The following STYXL1 variants were observed in gnomAD, a reference collection of about 807,000 sequenced individuals.
STYXL1 encodes the protein serine/threonine/tyrosine interacting like 1, also known as serine/threonine/tyrosine-interacting-like protein 1.
Under a neutral mutation model 36.4 loss-of-function variants are expected in STYXL1, and 32 were observed. That is an observed-to-expected ratio of 0.88 (90% CI 0.66 to 1.18). The LOEUF (loss-of-function observed/expected upper bound fraction) is 1.18, where lower values mean the gene tolerates loss of function less well. STYXL1 is among the 50% of genes most tolerant of loss of function. The pLI is 0.00. For missense variants in STYXL1, 354 were observed against 394.1 expected, an observed-to-expected ratio of 0.90 and a Z score of 0.86; for synonymous variants, 133 against 144.1, an observed-to-expected ratio of 0.92 and a Z score of 0.55.
At chr7:76,030,587 A>G (rs906548020) in intron 1 of STYXL1, 60 bp from the exon 2 acceptor site, 2 of 986,154 alleles carry the variant, frequency 2.0e-6, no homozygotes, top group African/African-American at 3.2e-5. Context: ...AATGACCACA[A>G]AGTAATATAA....
At position 76,000,954 on chromosome 7, in the gene STYXL1, C is replaced by G. The variant is rs782607080; in HGVS notation, c.746G>C (p.Gly249Ala). ...GSVILIFSTQ[G>A]ISRSCAAIIA... ...GATGGCGGCACAACTGCGGCTGATA[C>G]CTTGGGTGGAAAAGATCAGAATGAC... is the stretch of plus-strand genomic sequence containing the variant. Residue 249 changes from glycine to alanine, a missense_variant, in exon 8 of 9, where the codon GGT (glycine) becomes GCT (alanine). Physicochemically the swap from Gly to Ala is moderately conservative, Grantham distance 60. Transcript: ENST00000359697. The G allele has an allele frequency of 1.9e-6, 3 of 1,614,146 alleles. No homozygotes were observed. Among genetic ancestry groups the G allele is most frequent in the South Asian group, 1.1e-5 (1 of 91,084 alleles).
chr7:76,032,892 TGGA>T (rs2116355615), intron 1 of STYXL1, among the ~76,000 whole-genome samples: 1 of 152,120 alleles, frequency 6.6e-6, no homozygotes, highest in African/African-American at 2.4e-5. Flanking sequence ...ACATTCTGCT[TGGA>T]GCAGGGGCAA....
chr7:76,013,656 T>C (rs1166849338), intron 5 of STYXL1, 86 bp downstream of exon 5: 1 of 1,577,782 alleles, frequency 6.3e-7, no homozygotes, highest in Non-Finnish European at 8.7e-7. Flanking sequence ...CCCATCCTCC[T>C]GTTTCTCCCA....
intron 8 of STYXL1, among the ~76,000 whole-genome samples, chr7:75,998,324 GTC>G (rs1554564900): frequency 6.8e-6 from 1 of 147,870 alleles, no homozygotes; most frequent in Non-Finnish European, 1.5e-5. Context: ...TTGAGACTGA[GTC>G]TCACTCTGTT....
intron 4 of STYXL1, among the ~76,000 whole-genome samples, chr7:76,019,197 C>A (rs531542217): frequency 6.6e-6 from 1 of 152,040 alleles, no homozygotes; most frequent in African/African-American, 2.4e-5. Flanking sequence ...CAGGTTCTGG[C>A]CCAGAAAGAG....
At chr7:75,997,396 T>G (rs1269395897) in intron 8 of STYXL1, among the ~76,000 whole-genome samples, 2 of 152,116 alleles carry the variant, frequency 1.3e-5, no homozygotes, top group Non-Finnish European at 2.9e-5. Context: ...ATTGCACCAC[T>G]GCACTCCAGC....
intron 4 of STYXL1, among the ~76,000 whole-genome samples, chr7:76,021,187 C>T (rs1215126185): frequency 6.6e-6 from 1 of 151,932 alleles, no homozygotes; most frequent in Non-Finnish European, 1.5e-5. Context: ...ACGCCATTCT[C>T]CTGCCTCAGC....
intron 1 of STYXL1, among the ~76,000 whole-genome samples, chr7:76,034,147 T>C (rs530084884): frequency 2.0e-5 from 3 of 152,316 alleles, no homozygotes; most frequent in Non-Finnish European, 4.4e-5. Context: ...CTGTTGCCCA[T>C]GTTGGAGTGC....
chr7:76,031,956 C>T (rs1795379054), intron 1 of STYXL1, among the ~76,000 whole-genome samples: 2 of 152,116 alleles, frequency 1.3e-5, no homozygotes. Flanking sequence ...GAAAGAATTG[C>T]AAGATGCAAG....
chr7:76,027,730 G>A (rs1174657316), intron 3 of STYXL1, among the ~76,000 whole-genome samples: 3 of 152,066 alleles, frequency 2.0e-5, no homozygotes, highest in African/African-American at 4.8e-5. Context: ...GCTCCACAAC[G>A]GCAGGGACAA....
chr7:76,002,546 G>A (rs1478152514), intron 7 of STYXL1, among the ~76,000 whole-genome samples: 1 of 152,166 alleles, frequency 6.6e-6, no homozygotes, highest in Non-Finnish European at 1.5e-5. Context: ...GGGCCACAAG[G>A]CTCTGCCATC....
intron 3 of STYXL1, among the ~76,000 whole-genome samples, chr7:76,023,753 T>C (rs1794349869): frequency 1.3e-5 from 2 of 151,896 alleles, no homozygotes; most frequent in African/African-American, 4.8e-5. Context: ...CGGAGGCTCA[T>C]GTCTGTAATC....
intron 6 of STYXL1, among the ~76,000 whole-genome samples, chr7:76,004,755 A>G (rs1791443185): frequency 6.6e-6 from 1 of 151,866 alleles, no homozygotes; most frequent in Admixed American, 6.6e-5. Context: ...TAATCCCAGC[A>G]CTTTGGGAGG....
At chr7:76,039,939 G>C (rs544074304) in intron 1 of STYXL1, among the ~76,000 whole-genome samples, 1 of 152,136 alleles carries the variant, frequency 6.6e-6, no homozygotes, top group Non-Finnish European at 1.5e-5. Context: ...TAGCCACGGC[G>C]CCTGGCCTCC....
intron 4 of STYXL1, among the ~76,000 whole-genome samples, chr7:76,018,305 G>A (rs908670032): frequency 6.6e-6 from 1 of 152,078 alleles, no homozygotes; most frequent in Non-Finnish European, 1.5e-5. Context: ...CATATAAATG[G>A]AATAATATGT....
At chr7:75,998,301 A>ATTT (rs58275187) in intron 8 of STYXL1, among the ~76,000 whole-genome samples, 7 of 146,728 alleles carry the variant, frequency 4.8e-5, no homozygotes, top group Admixed American at 6.8e-5. Flanking sequence ...TGGTCAAGCA[A>ATTT]TTTTTTTTTT....
intron 4 of STYXL1, among the ~76,000 whole-genome samples, chr7:76,019,010 A>G (rs1397352902): frequency 1.3e-5 from 2 of 152,202 alleles, no homozygotes; most frequent in Non-Finnish European, 2.9e-5. Context: ...TTTGATTATT[A>G]CCATCCCAGT....
chr7:76,014,418 C>T (rs1300816398), intron 4 of STYXL1, among the ~76,000 whole-genome samples: 2 of 151,878 alleles, frequency 1.3e-5, no homozygotes, highest in African/African-American at 2.4e-5. Context: ...GTGGTACAAT[C>T]TCGGCTCACT....
At chr7:76,017,093 C>T (rs1793464536) in intron 4 of STYXL1, among the ~76,000 whole-genome samples, 1 of 152,082 alleles carries the variant, frequency 6.6e-6, no homozygotes, top group Non-Finnish European at 1.5e-5. Flanking sequence ...ACGATCTCGG[C>T]GCACTGCAAC....
Sources: gnomAD v4.1 joint callset for allele counts (sites outside exome capture counted in the v4.1 genomes callset) on GRCh38, gnomAD v4.1.1 for gene constraint, MANE v1.5 for transcripts, NCBI Gene and HGNC (gene_info 2026-07-23, HGNC 2026-07-21) for gene names.